RANBP3: variants seen among roughly 807,000 people sequenced by gnomAD.
RANBP3 encodes ran-binding protein 3.
Under a neutral mutation model 77.3 loss-of-function variants are expected in RANBP3, and 14 were observed. That is an observed-to-expected ratio of 0.18 (90% confidence interval 0.12 to 0.28). The LOEUF is 0.28. Ranked by LOEUF, RANBP3 falls within the 10% of genes least tolerant of loss-of-function variation. The pLI, the probability that RANBP3 is intolerant of heterozygous loss-of-function variation, is 1.00. For synonymous variants in RANBP3, 315 were observed against 312.4 expected (o/e 1.01, Z -0.09); for missense variants, 586 against 752.3 (o/e 0.78, Z 2.59).
At chr19:5,974,647 A>G (rs1408975516) in intron 1 of RANBP3, among the ~76,000 whole-genome samples, 3 of 152,024 alleles carry the variant, frequency 2.0e-5, no homozygotes, top group Non-Finnish European at 4.4e-5. Context: ...GGCCAACAAG[A>G]TGCTTTACAC....
chr19:5,934,977 G>T (rs745627429), intron 5 of RANBP3, among the ~76,000 whole-genome samples: 6 of 152,234 alleles, frequency 3.9e-5, no homozygotes, highest in Non-Finnish European at 8.8e-5. Context: ...AAGGGAGGGG[G>T]TTGGGGGCAG....
chr19:5,938,001 C>A (rs538711164), intron 5 of RANBP3, among the ~76,000 whole-genome samples: 9 of 152,310 alleles, frequency 5.9e-5, no homozygotes, highest in African/African-American at 1.7e-4. Flanking sequence ...TAACCAACAT[C>A]GTGCCCTTCC....
At chr19:5,932,031 T>A (rs1403755758) in intron 7 of RANBP3, among the ~76,000 whole-genome samples, 2 of 151,304 alleles carry the variant, frequency 1.3e-5, no homozygotes, top group Non-Finnish European at 3.0e-5. Context: ...CAAGACCCCA[T>A]CTCCAAAATA....
chr19:5,942,062 G>A (rs2145141417), intron 3 of RANBP3, among the ~76,000 whole-genome samples: 1 of 152,256 alleles, frequency 6.6e-6, no homozygotes, highest in African/African-American at 2.4e-5. Context: ...CAGTGGCTGG[G>A]AAAGCATCCG....
chr19:5,960,134 A>T (rs1324826009), intron 1 of RANBP3, among the ~76,000 whole-genome samples: 1 of 151,900 alleles, frequency 6.6e-6, no homozygotes. Context: ...AACCAGAGGT[A>T]GCAGAGTCAC....
At chr19:5,943,701 G>C (rs1016889828) in intron 3 of RANBP3, among the ~76,000 whole-genome samples, 1 of 152,178 alleles carries the variant, frequency 6.6e-6, no homozygotes, top group African/African-American at 2.4e-5. Flanking sequence ...GTGTTCTGAG[G>C]GGGCTTTGGA....
At position 5,933,415 on chromosome 19, in the gene RANBP3, T is replaced by C; in HGVS notation, c.471A>G (p.Ala157=). The part of the protein sequence containing the change: ...PTLIHGQAPS[A]GLPSQKPKEQ... Reference sequence around the variant, plus strand: ...GCCCCAGGGAGGTAGACGACCTACCTGCGCTGGGGGCTTGGCCGTGGATCA... The same window carrying C: ...GCCCCAGGGAGGTAGACGACCTACCCGCGCTGGGGGCTTGGCCGTGGATCA... The change falls in exon 6 of 17, where the codon GCA becomes GCG. Residue 157 remains alanine (A), a splice_region_variant and synonymous_variant. Coordinates refer to ENST00000340578, the MANE Select transcript of RANBP3 (RefSeq NM_007322.3). 1 of 1,611,306 alleles carries C rather than the reference T, an allele frequency of 6.2e-7. No homozygotes were observed. Among genetic ancestry groups the C allele is most frequent in the African/African-American group, 1.3e-5 (1 of 74,962 alleles).
chr19:5,923,754 C>A, intron 12 of RANBP3, 58 bp downstream of exon 12: 1 of 1,412,620 alleles, frequency 7.1e-7, no homozygotes, highest in Non-Finnish European at 1.0e-6. Context: ...TGAATGGACC[C>A]AGCATCCCCC....
Position 5,917,312 on chromosome 19 carries a change from C to T in RANBP3, c.*298G>A. The T allele has an allele frequency of 6.4e-6, 3 of 472,090 alleles. No individual in the cohort carries two copies. Among genetic ancestry groups the T allele is most frequent in the South Asian group, 5.8e-5 (2 of 34,506 alleles). The allele number at this position is 472,090 out of a possible 1,614,324, so 29.2% of individuals were successfully genotyped here. ...ACGCGGGGTGAAGGAACGAGGTCTC[C>T]AGTCCCAGTGAGAAGCCGTGACAAG... On this transcript the variant is annotated 3_prime_UTR_variant, in exon 17 of 17. Coordinates refer to ENST00000340578, the MANE Select transcript of RANBP3 (RefSeq NM_007322.3).
At chr19:5,922,773 C>G (rs964964018) in intron 13 of RANBP3, among the ~76,000 whole-genome samples, 1 of 152,096 alleles carries the variant, frequency 6.6e-6, no homozygotes, top group Non-Finnish European at 1.5e-5. Flanking sequence ...AACCCCGTCT[C>G]TACTAAAAAT....
intron 5 of RANBP3, among the ~76,000 whole-genome samples, chr19:5,938,294 G>A (rs2058091734): frequency 1.3e-5 from 2 of 152,184 alleles, no homozygotes; most frequent in African/African-American, 4.8e-5. Context: ...TTTCAGCCAC[G>A]TGGGAGAAAC....
intron 1 of RANBP3, among the ~76,000 whole-genome samples, chr19:5,965,257 C>A (rs761930236): frequency 4.1e-4 from 61 of 150,400 alleles, no homozygotes; most frequent in Non-Finnish European, 8.1e-4. Flanking sequence ...GATGAAGTCA[C>A]CTCTGTAATT....
chr19:5,968,032 GA>G (rs1392740846), intron 1 of RANBP3, among the ~76,000 whole-genome samples: 3 of 152,140 alleles, frequency 2.0e-5, no homozygotes, highest in African/African-American at 7.2e-5. Flanking sequence ...AAAAAGAAAA[GA>G]AAGAAAAAAG....
intron 1 of RANBP3, among the ~76,000 whole-genome samples, chr19:5,972,047 G>T (rs2058536646): frequency 6.6e-6 from 1 of 152,254 alleles, no homozygotes; most frequent in Admixed American, 6.5e-5. Flanking sequence ...AGAATTTTAA[G>T]TGTTGGCTCC....
intron 3 of RANBP3, among the ~76,000 whole-genome samples, chr19:5,948,771 C>T (rs2058239465): frequency 6.6e-6 from 1 of 152,136 alleles, no homozygotes; most frequent in African/African-American, 2.4e-5. Context: ...CATTCCAGAA[C>T]CTCCTTAAGC....
chr19:5,949,119 T>C (rs868757141), intron 3 of RANBP3, among the ~76,000 whole-genome samples: 1 of 152,100 alleles, frequency 6.6e-6, no homozygotes, highest in African/African-American at 2.4e-5. Context: ...CCAGGGACCA[T>C]GGAATAAAGT....
chr19:5,976,114 A>C (rs1429459318), intron 1 of RANBP3, among the ~76,000 whole-genome samples: 1 of 152,180 alleles, frequency 6.6e-6, no homozygotes, highest in Non-Finnish European at 1.5e-5. Flanking sequence ...TATGAGAAAG[A>C]GGGAAACCAG....
intron 5 of RANBP3, among the ~76,000 whole-genome samples, chr19:5,941,216 C>T (rs896443477): frequency 1.3e-5 from 2 of 152,206 alleles, no homozygotes; most frequent in African/African-American, 4.8e-5. Context: ...CTGCACTGGA[C>T]TGCCCGTGCT....
At chr19:5,953,663 C>T (rs1202712766) in intron 2 of RANBP3, among the ~76,000 whole-genome samples, 1 of 152,154 alleles carries the variant, frequency 6.6e-6, no homozygotes, top group East Asian at 1.9e-4. Context: ...TTTAAATTCT[C>T]TTCACATTAA....
Sources: gnomAD v4.1 joint callset for allele counts (sites outside exome capture counted in the v4.1 genomes callset) on GRCh38, gnomAD v4.1.1 for gene constraint, MANE v1.5 for transcripts, NCBI Gene and HGNC (gene_info 2026-07-23, HGNC 2026-07-21) for gene names.